ZBTB21: variants seen among roughly 807,000 people sequenced by gnomAD.
ZBTB21 encodes the protein zinc finger and BTB domain containing 21.
Under a neutral mutation model 39.8 loss-of-function variants are expected in ZBTB21, and 10 were observed. That is an observed-to-expected ratio of 0.25 (90% CI 0.16 to 0.43). The LOEUF is 0.43. ZBTB21 is among the 20% of genes least tolerant of loss of function. ZBTB21 has a pLI of 1.00. For synonymous variants in ZBTB21, 551 were observed against 498.8 expected (o/e 1.10, Z -1.40); for missense variants, 1,221 against 1,296.3 (o/e 0.94, Z 0.89).
chr21:41,993,761 GAAATCCCAAGACTAT>G lies in ZBTB21; in HGVS notation c.320_334del (p.Tyr107_Ile111del). 1 of 1,614,214 alleles carries G rather than the reference GAAATCCCAAGACTAT, an allele frequency of 6.2e-7. No homozygotes were observed. The highest frequency in any genetic ancestry group is 8.5e-7 in the Non-Finnish European group (1 of 1,180,030). On this transcript the variant is annotated inframe_deletion, in exon 3 of 3. Coordinates refer to ENST00000310826, the MANE Select transcript of ZBTB21 (RefSeq NM_001098402.2). ...TTTAGAAACGATGTTAGTCAGAAAGGAAATCCCAAGACTATAGCCAAGTTCTTGCACAGCAGCAAG... is the reference window on the plus strand; with the variant it reads ...TTTAGAAACGATGTTAGTCAGAAAGGAGCCAAGTTCTTGCACAGCAGCAAG...
intron 1 of ZBTB21, chr21:42,009,651 G>A (rs1439929305): frequency 6.5e-6 from 1 of 153,116 alleles, no homozygotes; most frequent in African/African-American, 2.4e-5. Context: ...AGGGGCCGGG[G>A]GCGGGGAGGG....
intron 2 of ZBTB21, among the ~76,000 whole-genome samples, chr21:41,999,867 C>T (rs2065797253): frequency 6.6e-6 from 1 of 152,156 alleles, no homozygotes; most frequent in African/African-American, 2.4e-5. Flanking sequence ...TCCAGAAGAA[C>T]TTTATTTTTT....
chr21:42,002,147 A>G (rs2065825418), intron 2 of ZBTB21, among the ~76,000 whole-genome samples: 1 of 152,208 alleles, frequency 6.6e-6, no homozygotes. Context: ...TAGAGACTCT[A>G]GATGTCTAGA....
chr21:41,992,575 T>C lies in ZBTB21; in HGVS notation c.1521A>G (p.Ser507=). Residue 507 remains serine, a synonymous_variant, in exon 3 of 3, where the codon TCA becomes TCG. Transcript: ENST00000310826. The surrounding 1 kb of genome is among the most constrained non-coding windows in gnomAD (Gnocchi z 4.1). ...TTGAGCCTTCCTCAAAATTATCTTC[T>C]GACACAGGAGACCCGTGCTCATTCA... is the stretch of plus-strand genomic sequence containing the variant. The part of the protein sequence containing the change: ...LKVNEHGSPV[S]EDNFEEGSSP... 1 of 1,614,236 alleles carries C rather than the reference T, an allele frequency of 6.2e-7. No individual in the cohort carries two copies. The highest frequency in any genetic ancestry group is 1.1e-5 in the South Asian group (1 of 91,090).
In ZBTB21 at chr21:41,992,175, G is replaced by A. The variant is rs368176716; in HGVS notation, c.1921C>T (p.Arg641Cys). Residue 641 changes from arginine (R) to cysteine (C), a missense_variant, in exon 3 of 3, where the codon CGC becomes TGC. Coordinates refer to ENST00000310826, the MANE Select transcript of ZBTB21 (RefSeq NM_001098402.2). The surrounding 1 kb of genome is among the most constrained non-coding windows in gnomAD (Gnocchi z 4.1). Reference sequence around the variant, plus strand: ...TGTCCCTGAAAACCAGGCTTGCCGCGCCTTAACTTAATGATCAGGGCCTTC... The same window carrying A: ...TGTCCCTGAAAACCAGGCTTGCCGCACCTTAACTTAATGATCAGGGCCTTC... ...IKKALIIKLR[R>C]GKPGFQGQSS... 3.1e-5 allele frequency: 50 copies of A among 1,614,132 alleles called. No individual in the cohort carries two copies. The highest frequency in any genetic ancestry group is 1.9e-4 in the African/African-American group (14 of 75,018).
intron 2 of ZBTB21, among the ~76,000 whole-genome samples, chr21:41,997,590 CAAAAAAACAAAAAAACA>C (rs1248879225): frequency 3.4e-4 from 41 of 120,600 alleles, no homozygotes; most frequent in African/African-American, 1.2e-3. Context: ...AAAAAAAAAA[CAAAAAAACAAAAAAACA>C]AAAAAAAGAT....
At chr21:42,009,856 G>T (rs1332737191) in intron 1 of ZBTB21, among the ~76,000 whole-genome samples, 1 of 152,136 alleles carries the variant, frequency 6.6e-6, no homozygotes, top group Non-Finnish European at 1.5e-5. Context: ...AGGAGAACGC[G>T]CCCTTCTCCA....
In ZBTB21 at chr21:41,994,067, G is replaced by C. The variant is rs780281032; in HGVS notation, c.29C>G (p.Pro10Arg). 2 of 1,602,150 alleles carry C rather than the reference G, an allele frequency of 1.2e-6. No individual in the cohort carries two copies. Among genetic ancestry groups the C allele is most frequent in the African/African-American group, 2.7e-5 (2 of 74,310 alleles). MEGLLHYINPAHAISLLSAL... is the reference protein window; with the variant it reads MEGLLHYINRAHAISLLSAL... ...ACTTAGGAGAGAAATGGCGTGTGCA[G>C]GGTTGATGTAATGCAGTAATCCCTC... Residue 10 changes from proline (P) to arginine (R), a missense_variant, in exon 3 of 3, where the codon CCT becomes CGT. By Grantham distance (103) the Pro-to-Arg change is moderately radical (BLOSUM62 -2). Transcript: ENST00000310826.
chr21:42,003,105 T>C (rs469622), intron 1 of ZBTB21, 144 bp from the exon 2 acceptor site: 96,356 of 152,188 alleles, frequency 0.63, 31,995 homozygotes, highest in African/African-American at 0.78. Context: ...TAAAGATGAC[T>C]CAACCTTTCT....
chr21:42,008,904 C>T (rs1310217947), intron 1 of ZBTB21, among the ~76,000 whole-genome samples: 4 of 152,220 alleles, frequency 2.6e-5, no homozygotes, highest in South Asian at 2.1e-4. Context: ...CCTTAGAGAT[C>T]ATCATTTACT....
Position 41,990,716 on chromosome 21 carries a change from A to G in ZBTB21, c.*179T>C. On this transcript the variant is annotated 3_prime_UTR_variant, in exon 3 of 3. Coordinates refer to ENST00000310826, the MANE Select transcript of ZBTB21 (RefSeq NM_001098402.2). ...AGAACCACAATATTTTAAAAGCTGT[A>G]TTTCTAAAGTTAAGGACATTACTAA... is the stretch of plus-strand genomic sequence containing the variant. 1.9e-6 allele frequency: 1 copy of G among 523,236 alleles called. No individual in the cohort carries two copies. Among genetic ancestry groups the G allele is most frequent in the Non-Finnish European group, 3.1e-6 (1 of 325,384 alleles). The allele number at this position is 523,236 out of a possible 1,614,324, so 32.4% of individuals were successfully genotyped here.
At chr21:41,995,251 T>C (rs530587331) in intron 2 of ZBTB21, among the ~76,000 whole-genome samples, 2 of 152,292 alleles carry the variant, frequency 1.3e-5, no homozygotes, top group African/African-American at 2.4e-5. Context: ...GTGGGAAACT[T>C]TGGAACTCCC....
intron 1 of ZBTB21, 85 bp downstream of exon 1, chr21:42,010,167 G>A: frequency 2.6e-6 from 1 of 391,362 alleles, no homozygotes; most frequent in Admixed American, 4.4e-5. Context: ...AGTTACGTCA[G>A]GAAAGGCCGC....
In ZBTB21 at chr21:41,987,968, GTTCCA is replaced by G. The variant is rs2065600164; in HGVS notation, c.*2922_*2926del. On this transcript the variant is annotated 3_prime_UTR_variant, in exon 3 of 3. Transcript: ENST00000310826. ...CATTTTTACAGGCAAGGCTATAAAC[GTTCCA>G]TTCCAAACCAGAAAACCAAGAACAT... 1 of 152,146 alleles carries G rather than the reference GTTCCA, an allele frequency of 6.6e-6. No individual in the cohort carries two copies. Among genetic ancestry groups the G allele is most frequent in the Non-Finnish European group, 1.5e-5 (1 of 68,028 alleles). 9.4% of individuals were successfully genotyped at this position (152,146 alleles called of 1,614,324 possible).
rs7276668 is a variant in ZBTB21 at position 41,993,250 on chromosome 21, A to G, written c.846T>C (p.Val282=). 1.4e-3 allele frequency: 2,244 copies of G among 1,611,766 alleles called. 33 individuals are homozygous for G. In the African/African-American group the frequency reaches 0.025, roughly 18 times the overall value. Residue 282 remains valine (V), a synonymous_variant, in exon 3 of 3, where the codon GTT becomes GTC. Transcript: ENST00000310826. The stretch of plus-strand genomic sequence containing the variant: ...GATAGGGAGTCTCTGATGAGCTACA[A>G]ACAGACAAAACAGGTGGCCGTGGTC... The part of the protein sequence containing the change: ...LKRPRPPVLS[V]CSSSETPYLL...
Position 41,991,434 on chromosome 21 carries a change from C to G in ZBTB21, c.2662G>C (p.Glu888Gln). The G allele has an allele frequency of 6.2e-7, 1 of 1,612,122 alleles. No homozygotes were observed. The highest frequency in any genetic ancestry group is 1.1e-5 in the South Asian group (1 of 90,982). ...GCTGTGCTGGCCTCGGGTGCCTCTT[C>G]TTCAGCCTCCTCCACAGGCTCCTCT... ...VKEEPVEEAE[E>Q]EAPEASTAPK... The change falls in exon 3 of 3, where the codon GAA becomes CAA. Residue 888 changes from glutamate (E) to glutamine (Q), a missense_variant. Coordinates refer to ENST00000310826, the MANE Select transcript of ZBTB21 (RefSeq NM_001098402.2). The surrounding 1 kb of genome is among the most constrained non-coding windows in gnomAD (Gnocchi z 4.9).
intron 2 of ZBTB21, among the ~76,000 whole-genome samples, chr21:41,998,069 T>A (rs568400608): frequency 6.6e-6 from 1 of 152,136 alleles, no homozygotes; most frequent in Non-Finnish European, 1.5e-5. Flanking sequence ...TCAAAGAAAG[T>A]GGGCAGATTA....
Position 41,989,708 on chromosome 21 carries a change from T to C in ZBTB21, c.*1187A>G, listed in dbSNP as rs906959143. ...ATTTTTGAAATATTAAGCAATGATG[T>C]AGAGAATGGCCTTGCCCATGATTTT... On this transcript the variant is annotated 3_prime_UTR_variant, in exon 3 of 3. Coordinates refer to ENST00000310826, the MANE Select transcript of ZBTB21 (RefSeq NM_001098402.2). The C allele has an allele frequency of 2.0e-5, 3 of 152,180 alleles. No individual in the cohort carries two copies. Among genetic ancestry groups the C allele is most frequent in the Non-Finnish European group, 4.4e-5 (3 of 68,000 alleles). The allele number at this position is 152,180 out of a possible 1,614,324, so 9.4% of individuals were successfully genotyped here. A position where few individuals can be genotyped will look rare whatever the true frequency, so the allele number is the denominator to read the frequency against.
rs772695794 is a variant in ZBTB21, at chr21:41,992,520, C to G, written c.1576G>C (p.Asp526His). 71 of 1,614,098 alleles carry G rather than the reference C, an allele frequency of 4.4e-5. 1 individual carries two copies. The South Asian group carries it at 7.7e-4, about 17-fold the overall frequency. ...AATTCGTCTTTATTCAAATCAGAAT[C>G]TGGAAAATCTGCATCAAGGAGAGTA... is the stretch of plus-strand genomic sequence containing the variant. Reference protein sequence around the residue: ...SPTLLDADFPDSDLNKDEFGE... With the variant: ...SPTLLDADFPHSDLNKDEFGE... Residue 526 changes from aspartate (D) to histidine (H), a missense_variant, in exon 3 of 3, where the codon GAT becomes CAT. Asp to His is a moderately conservative substitution (Grantham distance 81). Around this residue, in one of 4 missense-constraint regions of ZBTB21, gnomAD observed 90 missense variants for 133.1 expected, o/e 0.68. Transcript: ENST00000310826. The surrounding 1 kb of genome is among the most constrained non-coding windows in gnomAD (Gnocchi z 4.1).
Sources: allele counts gnomAD v4.1 joint callset (sites outside exome capture counted in the v4.1 genomes callset), GRCh38; gene constraint gnomAD v4.1.1; regional missense constraint gnomAD v4.1.1; non-coding constraint Gnocchi (gnomAD v3.1); transcripts MANE v1.5; gene names NCBI Gene and HGNC (gene_info 2026-07-23, HGNC 2026-07-21).